The following BLTP3B variants were observed in gnomAD, a reference collection of about 807,000 sequenced individuals.
The protein encoded by BLTP3B is UHRF1 (ICBP90) binding protein 1-like.
chr12:100,105,556 T>C, the BLTP3B span, among the ~76,000 whole-genome samples: 1 of 152,088 alleles, frequency 6.6e-6, no homozygotes, highest in East Asian at 1.9e-4. Context: ...TAAATGAAAG[T>C]TTTAAATCTA....
At chr12:100,061,514 G>A in the BLTP3B span, among the ~76,000 whole-genome samples, 10 of 152,122 alleles carry the variant, frequency 6.6e-5, no homozygotes, top group African/African-American at 9.6e-5. Context: ...AAAATTAGCC[G>A]GGCGTGGTGG....
chr12:100,098,296 TC>T, the BLTP3B span: 37 of 1,498,208 alleles, frequency 2.5e-5, no homozygotes, highest in African/African-American at 4.9e-4. Flanking sequence ...TTTTTAATCG[TC>T]CTCTTTTACT....
the BLTP3B span, among the ~76,000 whole-genome samples, chr12:100,118,541 A>G: frequency 6.6e-6 from 1 of 152,362 alleles, no homozygotes; most frequent in South Asian, 2.1e-4. Context: ...GAAAAAGGAC[A>G]TTGGGTAAAA....
the BLTP3B span, among the ~76,000 whole-genome samples, chr12:100,102,401 C>T: frequency 2.4e-3 from 368 of 152,164 alleles, 2 homozygotes; most frequent in African/African-American, 8.3e-3. Flanking sequence ...CATGAGCCAC[C>T]GCTCCCAGCC....
At chr12:100,072,191 G>A in the BLTP3B span, among the ~76,000 whole-genome samples, 3 of 152,106 alleles carry the variant, frequency 2.0e-5, no homozygotes, top group East Asian at 1.9e-4. Context: ...GAACCTGGGA[G>A]GCCAAGGCTG....
At chr12:100,078,349 T>A in the BLTP3B span, among the ~76,000 whole-genome samples, 6 of 152,210 alleles carry the variant, frequency 3.9e-5, no homozygotes, top group Non-Finnish European at 8.8e-5. Context: ...GCTGAGCAGA[T>A]GCCCACATCA....
At chr12:100,057,271 A>T in the BLTP3B span, among the ~76,000 whole-genome samples, 1 of 152,226 alleles carries the variant, frequency 6.6e-6, no homozygotes, top group Non-Finnish European at 1.5e-5. Context: ...TCTGGTTAAA[A>T]GAAACAATGG....
chr12:100,087,922 A>G, the BLTP3B span, among the ~76,000 whole-genome samples: 2 of 152,282 alleles, frequency 1.3e-5, no homozygotes, highest in East Asian at 3.9e-4. Flanking sequence ...CTCTAAAGTA[A>G]AAGATGCCAA....
the BLTP3B span, chr12:100,069,777 G>T: frequency 1.3e-5 from 3 of 233,692 alleles, no homozygotes; most frequent in Non-Finnish European, 2.1e-5. Flanking sequence ...TCCAGTGATG[G>T]GTGCAGCAAA....
At chr12:100,125,676 T>C in the BLTP3B span, among the ~76,000 whole-genome samples, 4 of 152,128 alleles carry the variant, frequency 2.6e-5, no homozygotes, top group Non-Finnish European at 5.9e-5. Flanking sequence ...CATCCAGATT[T>C]TATTGAAATA....
chr12:100,124,090 C>A, the BLTP3B span, among the ~76,000 whole-genome samples: 641 of 152,138 alleles, frequency 4.2e-3, 2 homozygotes, highest in African/African-American at 0.015. Flanking sequence ...CATAGCAAGA[C>A]CCCATCTCTA....
the BLTP3B span, chr12:100,095,561 C>G: frequency 7.6e-7 from 1 of 1,311,572 alleles, no homozygotes. Flanking sequence ...TTCTTGTACT[C>G]AAAACCTCAC....
At chr12:100,096,237 G>A in the BLTP3B span, among the ~76,000 whole-genome samples, 2 of 151,234 alleles carry the variant, frequency 1.3e-5, no homozygotes, top group Non-Finnish European at 2.9e-5. Context: ...CTGGGTGACA[G>A]AGAGAAACTC....
At chr12:100,139,712 T>G in the BLTP3B span, among the ~76,000 whole-genome samples, 1 of 152,236 alleles carries the variant, frequency 6.6e-6, no homozygotes, top group Non-Finnish European at 1.5e-5. Context: ...TCCACATTCA[T>G]GCAACAAATA....
At chr12:100,139,023 T>C in the BLTP3B span, among the ~76,000 whole-genome samples, 2 of 152,196 alleles carry the variant, frequency 1.3e-5, no homozygotes, top group Non-Finnish European at 2.9e-5. Flanking sequence ...TCAGTCCTAT[T>C]ACAGTTTGAA....
the BLTP3B span, among the ~76,000 whole-genome samples, chr12:100,061,429 G>C: frequency 6.6e-6 from 1 of 152,078 alleles, no homozygotes; most frequent in Non-Finnish European, 1.5e-5. Flanking sequence ...AGGCCGAGGC[G>C]GGTGGATCAC....
the BLTP3B span, chr12:100,072,675 G>A: frequency 6.6e-7 from 1 of 1,512,594 alleles, no homozygotes; most frequent in South Asian, 1.3e-5. Flanking sequence ...CTCTTACTTG[G>A]AAAATCCTTT....
the BLTP3B span, among the ~76,000 whole-genome samples, chr12:100,129,970 C>T: frequency 2.0e-5 from 3 of 152,088 alleles, no homozygotes; most frequent in South Asian, 2.1e-4. Flanking sequence ...TTTCTTCCCC[C>T]CCTTGGGATG....
chr12:100,111,027 C>T, the BLTP3B span, among the ~76,000 whole-genome samples: 1 of 151,944 alleles, frequency 6.6e-6, no homozygotes, highest in East Asian at 1.9e-4. Flanking sequence ...ATGTTCATTT[C>T]AAGGATATCT....
Sources: allele counts gnomAD v4.1 joint callset (sites outside exome capture counted in the v4.1 genomes callset), GRCh38; gene constraint gnomAD v4.1.1; transcripts MANE v1.5; gene names NCBI Gene and HGNC (gene_info 2026-07-23, HGNC 2026-07-21).